The following WWOX variants were observed in gnomAD, a reference collection of about 807,000 sequenced individuals.
WWOX encodes the protein WW domain containing oxidoreductase.
WWOX carries 69 observed loss-of-function variants against 46.2 expected under a neutral mutation model. The ratio of observed to expected loss-of-function variants is 1.49; its 90% CI spans 1.23 to 1.82. The LOEUF (loss-of-function observed/expected upper bound fraction) is 1.82, where lower values mean the gene tolerates loss of function less well. Among genes scored for constraint, WWOX ranks in the 40% most tolerant of loss-of-function variants. The probability of loss-of-function intolerance (pLI) is 0.00; values close to 1 mark genes in which losing one functional copy is unlikely to be tolerated. For synonymous variants in WWOX, 359 were observed against 202.6 expected (o/e 1.77, Z -6.56); for missense variants, 919 against 542.6 (o/e 1.69, Z -6.89).
In WWOX at chr16:78,637,755, A is replaced by G. The variant is rs144809058; in HGVS notation, c.1056+205003A>G. On this transcript the variant is annotated intron_variant, in intron 8 of 8. Coordinates refer to ENST00000566780, the MANE Select transcript of WWOX (RefSeq NM_016373.4). Reference sequence around the variant, plus strand: ...GCTTTAAACACCTTTGGTGGCAGCTAAGAGTGTCAAAATGGAGGGATGTGT... The same window carrying G: ...GCTTTAAACACCTTTGGTGGCAGCTGAGAGTGTCAAAATGGAGGGATGTGT... Among the ~76,000 whole-genome samples the G allele has an allele frequency of 9.8e-5, 15 of 152,318 alleles. No homozygotes were observed. In the East Asian group the frequency reaches 1.9e-3, roughly 20 times the overall value.
chr16:78,708,499 A>C (rs1456553044), intron 8 of WWOX, among the ~76,000 whole-genome samples: 2 of 152,180 alleles, frequency 1.3e-5, no homozygotes, highest in Admixed American at 1.3e-4. Flanking sequence ...CTCTGTATCA[A>C]GCGTTTACCA....
At chr16:78,988,686 A>G (rs1235913421) in intron 8 of WWOX, among the ~76,000 whole-genome samples, 2 of 152,240 alleles carry the variant, frequency 1.3e-5, no homozygotes, top group Non-Finnish European at 2.9e-5. Flanking sequence ...AGACCAGTAC[A>G]GAAGGATGGA....
At chr16:78,305,659 C>T (rs979070709) in intron 5 of WWOX, among the ~76,000 whole-genome samples, 1 of 151,964 alleles carries the variant, frequency 6.6e-6, no homozygotes, top group Admixed American at 6.6e-5. Context: ...TGAAAAGCCC[C>T]TTTCTTGTTT....
intron 5 of WWOX, among the ~76,000 whole-genome samples, chr16:78,366,141 C>G (rs540911131): frequency 6.6e-5 from 10 of 152,324 alleles, no homozygotes; most frequent in Admixed American, 5.9e-4. Context: ...TTTCAATTTA[C>G]TGACCATTTT....
At chr16:78,542,118 A>AG (rs1170692946) in intron 8 of WWOX, among the ~76,000 whole-genome samples, 1 of 149,110 alleles carries the variant, frequency 6.7e-6, no homozygotes, top group African/African-American at 2.5e-5. Context: ...TACTTCTTGG[A>AG]GAAACCTCCC....
chr16:78,949,788 C>A (rs545351908), intron 8 of WWOX, among the ~76,000 whole-genome samples: 36 of 152,322 alleles, frequency 2.4e-4, no homozygotes, highest in African/African-American at 8.4e-4. Context: ...CGCCTCAATG[C>A]GTGCATCCTA....
intron 8 of WWOX, among the ~76,000 whole-genome samples, chr16:78,489,341 C>T (rs2084720038): frequency 6.6e-6 from 1 of 152,172 alleles, no homozygotes; most frequent in Non-Finnish European, 1.5e-5. Flanking sequence ...TGAACTGCCA[C>T]ATTGAGGATT....
At chr16:78,826,417 A>G (rs995141748) in intron 8 of WWOX, among the ~76,000 whole-genome samples, 1 of 152,220 alleles carries the variant, frequency 6.6e-6, no homozygotes, top group Admixed American at 6.5e-5. Flanking sequence ...AGGCAGGGCT[A>G]TACTTACTTT....
chr16:78,347,016 C>G lies in WWOX; in HGVS notation c.517-39844C>G, dbSNP rs574779483. Among the ~76,000 whole-genome samples the G allele has an allele frequency of 1.8e-4, 22 of 119,536 alleles. 3 individuals carry two copies. The highest frequency in any genetic ancestry group is 5.9e-4 in the African/African-American group (21 of 35,312). 78.4% of individuals were successfully genotyped at this position (119,536 alleles called of 152,430 possible). A position where few individuals can be genotyped will look rare whatever the true frequency, so the allele number is the denominator to read the frequency against. ...CTGGGATTACAGGTGTGAGCCACAG[C>G]GCCCGGTGGTCATATCTCTTTCTTG... On this transcript the variant is annotated intron_variant, in intron 5 of 8. Coordinates refer to ENST00000566780, the MANE Select transcript of WWOX (RefSeq NM_016373.4).
chr16:78,321,277 A>AAG (rs2080461374), intron 5 of WWOX, among the ~76,000 whole-genome samples: 1 of 77,276 alleles, frequency 1.3e-5, no homozygotes, highest in South Asian at 4.6e-4. Flanking sequence ...TAGTTTTTTA[A>AAG]ATATATATAT....
chr16:78,279,954 C>T (rs759624638), intron 5 of WWOX, among the ~76,000 whole-genome samples: 2 of 152,166 alleles, frequency 1.3e-5, no homozygotes, highest in African/African-American at 2.4e-5. Context: ...TTATGGAAAA[C>T]AGGAAACCAC....
At chr16:78,205,404 C>A (rs771715975) in intron 5 of WWOX, among the ~76,000 whole-genome samples, 1 of 152,108 alleles carries the variant, frequency 6.6e-6, no homozygotes, top group African/African-American at 2.4e-5. Context: ...ATCCAACCGT[C>A]CTTGCATCCA....
chr16:78,121,218 C>T (rs963369914), intron 4 of WWOX, among the ~76,000 whole-genome samples: 1 of 152,076 alleles, frequency 6.6e-6, no homozygotes, highest in African/African-American at 2.4e-5. Flanking sequence ...CTGAAATAAT[C>T]GAAATAACCT....
chr16:78,889,673 T>G (rs770756158), intron 8 of WWOX, among the ~76,000 whole-genome samples: 1 of 152,124 alleles, frequency 6.6e-6, no homozygotes, highest in African/African-American at 2.4e-5. Flanking sequence ...GTGAGAATAT[T>G]TGTGAGCAAA....
chr16:78,506,603 A>G (rs893331256), intron 8 of WWOX: 3 of 151,778 alleles, frequency 2.0e-5, no homozygotes, highest in African/African-American at 7.3e-5. Context: ...AGGCTGTTCA[A>G]AGTTCTGTGG....
chr16:78,996,385 C>G (rs867902275), intron 8 of WWOX: 32 of 766,900 alleles, frequency 4.2e-5, no homozygotes, highest in East Asian at 3.5e-4. Flanking sequence ...CACCCCCGCC[C>G]CCCAGCTTCC....
chr16:78,182,390 C>T (rs1242886065), intron 5 of WWOX, among the ~76,000 whole-genome samples: 1 of 152,092 alleles, frequency 6.6e-6, no homozygotes, highest in African/African-American at 2.4e-5. Context: ...ATCAAACTCA[C>T]TGCTGTTGCT....
At chr16:79,110,879 G>A (rs143461450) in intron 8 of WWOX, 1 of 152,202 alleles carries the variant, frequency 6.6e-6, no homozygotes, top group East Asian at 1.9e-4. Context: ...TGAGAACACT[G>A]TTATTGGTCT....
intron 8 of WWOX, among the ~76,000 whole-genome samples, chr16:78,656,318 C>G (rs2047079727): frequency 6.6e-6 from 1 of 152,036 alleles, no homozygotes; most frequent in African/African-American, 2.4e-5. Context: ...CTTTCTCTGT[C>G]CCCTCCTGGT....
Sources: gnomAD v4.1 joint callset for allele counts (sites outside exome capture counted in the v4.1 genomes callset) on GRCh38, gnomAD v4.1.1 for gene constraint, MANE v1.5 for transcripts, NCBI Gene and HGNC (gene_info 2026-07-23, HGNC 2026-07-21) for gene names.